Variants in CNTNAP5 observed in about 807,000 individuals in gnomAD.
CNTNAP5 encodes contactin associated protein family member 5, also known as contactin-associated protein-like 5.
CNTNAP5 carries 72 observed loss-of-function variants against 150.2 expected under a neutral mutation model. That is an observed-to-expected ratio of 0.48 (90% confidence interval 0.40 to 0.58). The LOEUF (loss-of-function observed/expected upper bound fraction) is 0.58. Ranked by LOEUF, CNTNAP5 falls within the 20% of genes least tolerant of loss-of-function variation. The pLI, the probability that CNTNAP5 is intolerant of heterozygous loss-of-function variation, is 0.00. For missense variants in CNTNAP5, 1,636 were observed against 1,626.2 expected (o/e 1.01, Z -0.10); for synonymous variants, 672 against 619.8 (o/e 1.08, Z -1.25).
intron 10 of CNTNAP5, among the ~76,000 whole-genome samples, chr2:124,554,098 C>CT (rs1558951382): frequency 6.6e-6 from 1 of 151,224 alleles, no homozygotes; most frequent in Non-Finnish European, 1.5e-5. Flanking sequence ...GTTTTTTTTT[C>CT]TTTTTTTAAA....
chr2:124,319,081 G>A (rs1374558014), intron 3 of CNTNAP5, among the ~76,000 whole-genome samples: 2 of 152,180 alleles, frequency 1.3e-5, no homozygotes, highest in African/African-American at 4.8e-5. Context: ...GAGGAAGGAT[G>A]GTGCTACACT....
intron 19 of CNTNAP5, among the ~76,000 whole-genome samples, chr2:124,829,599 TAA>T (rs377489033): frequency 1.3e-4 from 20 of 148,578 alleles, no homozygotes; most frequent in African/African-American, 4.9e-4. Flanking sequence ...AATTAGAAAT[TAA>T]AAAAAAAAAT....
chr2:124,192,909 C>G (rs774685871), intron 1 of CNTNAP5, among the ~76,000 whole-genome samples: 3 of 152,204 alleles, frequency 2.0e-5, no homozygotes, highest in Non-Finnish European at 4.4e-5. Flanking sequence ...AGAAATGTAT[C>G]TCATTTCTGA....
chr2:124,046,556 A>C (rs1031852573), intron 1 of CNTNAP5, among the ~76,000 whole-genome samples: 12 of 152,078 alleles, frequency 7.9e-5, no homozygotes, highest in African/African-American at 1.7e-4. Flanking sequence ...TTTCCTTTGC[A>C]TCAGAAAGAA....
intron 1 of CNTNAP5, among the ~76,000 whole-genome samples, chr2:124,208,893 C>A (rs1685932930): frequency 6.6e-6 from 1 of 152,172 alleles, no homozygotes; most frequent in African/African-American, 2.4e-5. Context: ...ATTAATTAAG[C>A]ATTTTCTTTG....
At chr2:124,490,525 CA>C (rs1480190225) in intron 7 of CNTNAP5, among the ~76,000 whole-genome samples, 4 of 151,890 alleles carry the variant, frequency 2.6e-5, no homozygotes, top group Non-Finnish European at 5.9e-5. Flanking sequence ...CAATAAAGAT[CA>C]GTATATAAGA....
intron 3 of CNTNAP5, among the ~76,000 whole-genome samples, chr2:124,394,843 C>A (rs1401225430): frequency 6.6e-6 from 1 of 152,174 alleles, no homozygotes; most frequent in Non-Finnish European, 1.5e-5. Flanking sequence ...ATTCTGCTGC[C>A]CACCAGGGAA....
chr2:124,828,696 G>A (rs1420984155), intron 19 of CNTNAP5, among the ~76,000 whole-genome samples: 2 of 111,746 alleles, frequency 1.8e-5, no homozygotes, highest in African/African-American at 7.0e-5. Context: ...TGTTTACCAA[G>A]GACCTACTAT....
At chr2:124,700,111 T>C (rs902310016) in intron 13 of CNTNAP5, among the ~76,000 whole-genome samples, 4 of 152,192 alleles carry the variant, frequency 2.6e-5, no homozygotes, top group Admixed American at 2.0e-4. Flanking sequence ...ATAAAACCAC[T>C]CAATAAATGG....
intron 5 of CNTNAP5, among the ~76,000 whole-genome samples, chr2:124,435,959 G>T (rs1448086230): frequency 6.6e-6 from 1 of 152,124 alleles, no homozygotes; most frequent in Non-Finnish European, 1.5e-5. Flanking sequence ...AAAAAAATTT[G>T]CTGGTAACCT....
chr2:124,812,376 G>A (rs140256677), intron 19 of CNTNAP5, among the ~76,000 whole-genome samples: 214 of 151,032 alleles, frequency 1.4e-3, no homozygotes, highest in African/African-American at 5.0e-3. Context: ...CCAGTGATCA[G>A]AGTGGAATCC....
chr2:124,120,711 A>T (rs1356705376), intron 1 of CNTNAP5, among the ~76,000 whole-genome samples: 1 of 152,222 alleles, frequency 6.6e-6, no homozygotes, highest in African/African-American at 2.4e-5. Flanking sequence ...GTCATAGGGG[A>T]AAGGCATGAA....
intron 2 of CNTNAP5, among the ~76,000 whole-genome samples, chr2:124,227,947 CAT>C (rs1321107193): frequency 6.6e-6 from 1 of 151,956 alleles, no homozygotes; most frequent in South Asian, 2.1e-4. Flanking sequence ...CACACACACA[CAT>C]ATACACATAT....
intron 1 of CNTNAP5, among the ~76,000 whole-genome samples, chr2:124,210,225 T>A (rs936703968): frequency 2.6e-5 from 4 of 152,212 alleles, no homozygotes; most frequent in Non-Finnish European, 4.4e-5. Context: ...TGGTTTTTAG[T>A]CTTGTGACAC....
rs535159834 is a variant in CNTNAP5, at chr2:124,331,096, G to T, written c.382-86347G>T. Among the ~76,000 whole-genome samples, 6 of 152,012 alleles carry T rather than the reference G, an allele frequency of 3.9e-5. No homozygotes were observed. In the South Asian group the frequency reaches 1.2e-3, roughly 32 times the overall value. ...CCTTTTTTTTCCATATATCTTTAAA[G>T]ACAACAGTTTATAATTAATTTTTCC... On this transcript the variant is annotated intron_variant, in intron 3 of 23. Transcript: ENST00000682447.
intron 5 of CNTNAP5, among the ~76,000 whole-genome samples, chr2:124,444,457 T>G (rs1338932913): frequency 6.6e-6 from 1 of 152,020 alleles, no homozygotes; most frequent in East Asian, 1.9e-4. Flanking sequence ...TAGCCTCATG[T>G]GGTGGCCTGC....
At chr2:124,853,497 C>T (rs1677272956) in intron 19 of CNTNAP5, among the ~76,000 whole-genome samples, 1 of 152,190 alleles carries the variant, frequency 6.6e-6, no homozygotes, top group Non-Finnish European at 1.5e-5. Flanking sequence ...GCTCCACTGT[C>T]CTACAGTTCT....
chr2:124,534,153 A>G (rs1013498943), intron 10 of CNTNAP5, among the ~76,000 whole-genome samples: 7 of 152,160 alleles, frequency 4.6e-5, no homozygotes, highest in African/African-American at 1.7e-4. Flanking sequence ...ATGATAGGCC[A>G]TGGAAAAGTG....
At chr2:124,349,582 C>T (rs1006832263) in intron 3 of CNTNAP5, among the ~76,000 whole-genome samples, 1 of 152,166 alleles carries the variant, frequency 6.6e-6, no homozygotes, top group Non-Finnish European at 1.5e-5. Flanking sequence ...AACTCTTTGT[C>T]TAACACACCT....
Sources: gnomAD v4.1 joint callset for allele counts (sites outside exome capture counted in the v4.1 genomes callset) on GRCh38, gnomAD v4.1.1 for gene constraint, MANE v1.5 for transcripts, NCBI Gene and HGNC (gene_info 2026-07-23, HGNC 2026-07-21) for gene names.